Variants in LRMDA observed in about 807,000 individuals in gnomAD.
The protein encoded by LRMDA is leucine rich melanocyte differentiation associated, also known as leucine-rich melanocyte differentiation-associated protein.
In LRMDA, 18 loss-of-function variants were observed where a neutral mutation model predicts 29.8. The ratio of observed to expected loss-of-function variants is 0.60; its 90% confidence interval spans 0.42 to 0.90. The LOEUF is 0.90. Ranked by LOEUF, LRMDA falls within the 40% of genes least tolerant of loss-of-function variation. LRMDA has a pLI of 0.00. For synonymous variants in LRMDA, 125 were observed against 109.4 expected (o/e 1.14, Z -0.89); for missense variants, 273 against 273.9 (o/e 1.00, Z 0.02).
At chr10:75,729,498 A>G (rs1400501254) in intron 2 of LRMDA, among the ~76,000 whole-genome samples, 1 of 152,208 alleles carries the variant, frequency 6.6e-6, no homozygotes, top group Non-Finnish European at 1.5e-5. Context: ...TCTTTAAGCT[A>G]GTAGATTCTA....
chr10:75,704,210 C>A (rs541793797), intron 2 of LRMDA, among the ~76,000 whole-genome samples: 1 of 152,264 alleles, frequency 6.6e-6, no homozygotes, highest in South Asian at 2.1e-4. Flanking sequence ...TGTCTCACAT[C>A]ATTTTCTTAG....
intron 2 of LRMDA, among the ~76,000 whole-genome samples, chr10:75,883,841 G>C (rs914300121): frequency 6.6e-6 from 1 of 150,952 alleles, no homozygotes; most frequent in Non-Finnish European, 1.5e-5. Flanking sequence ...TGAAGGAGAT[G>C]ACATGAGGAG....
intron 2 of LRMDA, among the ~76,000 whole-genome samples, chr10:75,859,096 A>G (rs1284738026): frequency 1.3e-5 from 2 of 152,236 alleles, no homozygotes; most frequent in Non-Finnish European, 2.9e-5. Flanking sequence ...TGGCTATGCC[A>G]AAGTTTATTT....
intron 2 of LRMDA, among the ~76,000 whole-genome samples, chr10:75,544,757 G>A (rs560740279): frequency 2.8e-4 from 42 of 151,874 alleles, no homozygotes; most frequent in East Asian, 1.2e-3. Context: ...AGAAACAATC[G>A]AAATGTTTTC....
intron 2 of LRMDA, among the ~76,000 whole-genome samples, chr10:75,859,617 ACACACACACAC>A (rs1844886761): frequency 2.0e-5 from 3 of 147,842 alleles, no homozygotes; most frequent in South Asian, 4.3e-4. Flanking sequence ...ACACACACAC[ACACACACACAC>A]ACACACACAC....
intron 6 of LRMDA, among the ~76,000 whole-genome samples, chr10:76,502,750 CTT>C (rs374835259): frequency 6.9e-6 from 1 of 145,450 alleles, no homozygotes. Context: ...TTTTTTCTTT[CTT>C]TTTTTTTTGC....
At chr10:76,061,769 G>A (rs1331386625) in intron 5 of LRMDA, among the ~76,000 whole-genome samples, 1 of 152,108 alleles carries the variant, frequency 6.6e-6, no homozygotes, top group Non-Finnish European at 1.5e-5. Flanking sequence ...TTCAATTTAT[G>A]CCATGATTCT....
rs560082320 is a variant in LRMDA at position 75,751,031 on chromosome 10, G to A, written c.132-284977G>A. 6.3e-3 allele frequency among the ~76,000 whole-genome samples: 956 copies of A among 152,334 alleles called. 11 individuals are homozygous for A. The highest frequency in any genetic ancestry group is 0.022 in the African/African-American group (902 of 41,580). ...TGCACTCCAGCCTGGGCAACATTGA[G>A]CACTGAGTGAGCGAGACTCCGTCTG... On this transcript the variant is annotated intron_variant, in intron 2 of 6. Transcript: ENST00000611255.
At chr10:76,217,666 C>T (rs1016028020) in intron 5 of LRMDA, among the ~76,000 whole-genome samples, 10 of 152,078 alleles carry the variant, frequency 6.6e-5, no homozygotes, top group African/African-American at 2.2e-4. Context: ...AGGGGAAACG[C>T]GTTGGGAAAG....
intron 6 of LRMDA, among the ~76,000 whole-genome samples, chr10:76,363,174 A>AAAGAAAGG (rs1554815855): frequency 3.3e-4 from 6 of 18,388 alleles, no homozygotes; most frequent in South Asian, 1.6e-3. Flanking sequence ...AGAAAGAAAG[A>AAAGAAAGG]AAGGAGGGAG....
chr10:76,291,907 C>T (rs1278584311), intron 5 of LRMDA, among the ~76,000 whole-genome samples: 1 of 127,040 alleles, frequency 7.9e-6, no homozygotes, highest in Non-Finnish European at 1.6e-5. Flanking sequence ...TATACACCCA[C>T]ACGTGCACAC....
intron 5 of LRMDA, among the ~76,000 whole-genome samples, chr10:76,196,143 C>T (rs1361284308): frequency 6.6e-6 from 1 of 152,180 alleles, no homozygotes; most frequent in Non-Finnish European, 1.5e-5. Flanking sequence ...TTTTAAGTAA[C>T]TGCACAGCTC....
intron 6 of LRMDA, among the ~76,000 whole-genome samples, chr10:76,359,432 C>T (rs1482941485): frequency 2.0e-5 from 3 of 152,156 alleles, no homozygotes; most frequent in Non-Finnish European, 2.9e-5. Context: ...ATGACATTCA[C>T]AGCAGAGGGG....
intron 6 of LRMDA, among the ~76,000 whole-genome samples, chr10:76,548,660 C>T (rs1454082545): frequency 1.3e-5 from 2 of 151,886 alleles, no homozygotes; most frequent in African/African-American, 2.4e-5. Context: ...AGGGAGCTCC[C>T]AATAAAGGGG....
intron 6 of LRMDA, among the ~76,000 whole-genome samples, chr10:76,526,336 A>G (rs558513770): frequency 1.3e-5 from 2 of 152,288 alleles, no homozygotes; most frequent in South Asian, 4.2e-4. Context: ...TTTCTGTCCT[A>G]CTACCTTTTC....
chr10:76,370,235 G>A (rs1841437862), intron 6 of LRMDA, among the ~76,000 whole-genome samples: 2 of 151,804 alleles, frequency 1.3e-5, no homozygotes, highest in African/African-American at 2.4e-5. Flanking sequence ...AATTATATAA[G>A]GGTAAAAAAA....
intron 6 of LRMDA, among the ~76,000 whole-genome samples, chr10:76,447,577 A>T (rs1224120962): frequency 6.6e-6 from 1 of 152,180 alleles, no homozygotes; most frequent in Non-Finnish European, 1.5e-5. Flanking sequence ...GTGGACTAGG[A>T]TTCCTGTCTC....
chr10:76,338,801 T>C (rs1167570201), intron 6 of LRMDA, among the ~76,000 whole-genome samples: 1 of 152,152 alleles, frequency 6.6e-6, no homozygotes, highest in Admixed American at 6.5e-5. Context: ...AAATACTGGA[T>C]ACCTGCTAAC....
chr10:76,344,156 A>T lies in LRMDA; in HGVS notation c.601+19671A>T, dbSNP rs570115513. Among the ~76,000 whole-genome samples, 805 of 152,218 alleles carry T rather than the reference A, an allele frequency of 5.3e-3. 4 individuals are homozygous for T. The highest frequency in any genetic ancestry group is 0.018 in the African/African-American group (741 of 41,532). ...TTGCACTTGGAATTTAAGGGAAACAACTAAAAATCTAAAAAAATAATTCAG... is the reference window on the plus strand; with the variant it reads ...TTGCACTTGGAATTTAAGGGAAACATCTAAAAATCTAAAAAAATAATTCAG... On this transcript the variant is annotated intron_variant, in intron 6 of 6. Coordinates refer to ENST00000611255, the MANE Select transcript of LRMDA (RefSeq NM_001305581.2).
Sources: gnomAD v4.1 joint callset for allele counts (sites outside exome capture counted in the v4.1 genomes callset) on GRCh38, gnomAD v4.1.1 for gene constraint, MANE v1.5 for transcripts, NCBI Gene and HGNC (gene_info 2026-07-23, HGNC 2026-07-21) for gene names.